Variants in UNC5D observed in about 807,000 individuals in gnomAD.
The protein encoded by UNC5D is unc-5 netrin receptor D, also known as netrin receptor UNC5D.
In UNC5D, 39 loss-of-function variants were observed where a neutral mutation model predicts 105.4. The ratio of observed to expected loss-of-function variants is 0.37; its 90% CI spans 0.29 to 0.48. UNC5D has a LOEUF of 0.48. Among genes scored for constraint, UNC5D ranks in the 20% least tolerant of loss-of-function variants. UNC5D has a pLI of 0.98. For missense variants in UNC5D, 991 were observed against 1,202.4 expected, an observed-to-expected ratio of 0.82 and a Z score of 2.60; for synonymous variants, 452 against 450.4, an observed-to-expected ratio of 1.00 and a Z score of -0.04.
intron 1 of UNC5D, among the ~76,000 whole-genome samples, chr8:35,533,135 G>A (rs1814534381): frequency 6.6e-6 from 1 of 151,976 alleles, no homozygotes; most frequent in South Asian, 2.1e-4. Flanking sequence ...GCATTTTAGA[G>A]TTTCCAGTTT....
chr8:35,535,783 TC>T (rs1249068987), intron 1 of UNC5D, among the ~76,000 whole-genome samples: 2 of 152,158 alleles, frequency 1.3e-5, no homozygotes, highest in African/African-American at 4.8e-5. Flanking sequence ...TCTCCATCCA[TC>T]CCTTAATTTT....
At chr8:35,784,301 TCTC>T (rs953389766) in intron 16 of UNC5D, among the ~76,000 whole-genome samples, 60 of 152,304 alleles carry the variant, frequency 3.9e-4, no homozygotes, top group African/African-American at 1.4e-3. Context: ...TCGGCTGTCT[TCTC>T]CTAAGCTTTA....
intron 4 of UNC5D, among the ~76,000 whole-genome samples, chr8:35,678,424 TAA>T (rs1256693170): frequency 6.6e-6 from 1 of 152,168 alleles, no homozygotes; most frequent in Non-Finnish European, 1.5e-5. Flanking sequence ...ACATGATAAA[TAA>T]AAGAGATTTT....
chr8:35,383,518 C>T (rs956511588), intron 1 of UNC5D, among the ~76,000 whole-genome samples: 4 of 152,102 alleles, frequency 2.6e-5, no homozygotes, highest in African/African-American at 4.8e-5. Context: ...CCAGGTAAAA[C>T]GATCTTTCAA....
chr8:35,428,127 C>T lies in UNC5D; in HGVS notation c.104-121165C>T, dbSNP rs76247386. ...AACCTTACTCAGGTAGCTTTTCCCA[C>T]ATTCATGGAAACAAATCTGACACCC... is the stretch of plus-strand genomic sequence containing the variant. On this transcript the variant is annotated intron_variant, in intron 1 of 16. Coordinates refer to ENST00000404895, the MANE Select transcript of UNC5D (RefSeq NM_080872.4). Among the ~76,000 whole-genome samples, 2,392 of 152,164 alleles carry T rather than the reference C, an allele frequency of 0.016. 118 individuals are homozygous for T. The East Asian group carries it at 0.17, about 11-fold the overall frequency.
At chr8:35,399,281 C>A (rs1008611984) in intron 1 of UNC5D, among the ~76,000 whole-genome samples, 10 of 151,884 alleles carry the variant, frequency 6.6e-5, no homozygotes, top group Non-Finnish European at 1.0e-4. Flanking sequence ...ATAGACTCTT[C>A]ATGCTATGCA....
At chr8:35,712,165 G>A (rs73584827) in intron 8 of UNC5D, among the ~76,000 whole-genome samples, 4,321 of 152,212 alleles carry the variant, frequency 0.028, 219 homozygotes, top group African/African-American at 0.098. Context: ...CAGCTACTCG[G>A]GAGGCTGAGG....
intron 1 of UNC5D, among the ~76,000 whole-genome samples, chr8:35,455,877 C>A (rs979732498): frequency 3.9e-5 from 6 of 152,046 alleles, no homozygotes; most frequent in Non-Finnish European, 7.4e-5. Flanking sequence ...CCCCAGGATT[C>A]AATTATGTCC....
At chr8:35,636,945 A>G (rs1822415543) in intron 4 of UNC5D, among the ~76,000 whole-genome samples, 1 of 152,172 alleles carries the variant, frequency 6.6e-6, no homozygotes, top group South Asian at 2.1e-4. Context: ...GTCTGCCTGA[A>G]GTCTGTTTCT....
chr8:35,726,266 C>G lies in UNC5D; in HGVS notation c.1418C>G (p.Ser473Ter). 1 of 1,614,118 alleles carries G rather than the reference C, an allele frequency of 6.2e-7. No homozygotes were observed. ...PLDKELMTESSLFNPLSDIKV... is the reference protein window; with the variant it reads ...PLDKELMTES ...GACAAGGAGCTCATGACAGAGTCCT[C>G]ACTCTTTAACCCTTTGTCGGACATC... Residue 473 changes from serine to a stop codon, truncating the protein, a stop_gained, in exon 10 of 17, where the codon TCA becomes TGA. Transcript: ENST00000404895. LOFTEE classifies it high-confidence loss of function.
intron 1 of UNC5D, among the ~76,000 whole-genome samples, chr8:35,441,933 G>A (rs1239973014): frequency 6.6e-6 from 1 of 151,796 alleles, no homozygotes; most frequent in Non-Finnish European, 1.5e-5. Context: ...ATAGAATTCT[G>A]ATTCCAGGAC....
At chr8:35,580,083 G>A (rs534579246) in intron 3 of UNC5D, among the ~76,000 whole-genome samples, 4 of 152,286 alleles carry the variant, frequency 2.6e-5, no homozygotes, top group Middle Eastern at 3.4e-3. Flanking sequence ...CAAGTTTTGG[G>A]CTCGCTAGGT....
intron 1 of UNC5D, among the ~76,000 whole-genome samples, chr8:35,495,595 G>T (rs1811528991): frequency 6.6e-6 from 1 of 151,756 alleles, no homozygotes; most frequent in African/African-American, 2.4e-5. Context: ...CAGCCTTAAA[G>T]CTAATTTCTG....
At chr8:35,496,190 G>A (rs184406172) in intron 1 of UNC5D, among the ~76,000 whole-genome samples, 134 of 152,294 alleles carry the variant, frequency 8.8e-4, no homozygotes, top group Non-Finnish European at 1.6e-4. Flanking sequence ...GAGCAGGTGA[G>A]GTTGGGGTAG....
intron 1 of UNC5D, among the ~76,000 whole-genome samples, chr8:35,346,003 G>A (rs1811783784): frequency 1.3e-5 from 2 of 152,124 alleles, no homozygotes; most frequent in East Asian, 3.9e-4. Flanking sequence ...GAAATCTCAA[G>A]TCATTTTTAA....
At chr8:35,381,028 G>A (rs2128932173) in intron 1 of UNC5D, among the ~76,000 whole-genome samples, 2 of 151,914 alleles carry the variant, frequency 1.3e-5, no homozygotes, top group South Asian at 4.2e-4. Flanking sequence ...AGGGAGGGAG[G>A]GAGGGAGAGA....
At chr8:35,540,985 G>A (rs1384455119) in intron 1 of UNC5D, among the ~76,000 whole-genome samples, 1 of 152,136 alleles carries the variant, frequency 6.6e-6, no homozygotes, top group Non-Finnish European at 1.5e-5. Context: ...CTATAATCTA[G>A]TGGTTACTCT....
chr8:35,307,561 G>A (rs1808518408), intron 1 of UNC5D, among the ~76,000 whole-genome samples: 1 of 152,280 alleles, frequency 6.6e-6, no homozygotes, highest in Non-Finnish European at 1.5e-5. Context: ...TCAAGAAAGA[G>A]TTAGCAGGGA....
intron 1 of UNC5D, among the ~76,000 whole-genome samples, chr8:35,478,104 A>G (rs1810242694): frequency 6.6e-6 from 1 of 152,168 alleles, no homozygotes. Flanking sequence ...CATTGTCATT[A>G]GATATTGACA....
Sources: gnomAD v4.1 joint callset for allele counts (sites outside exome capture counted in the v4.1 genomes callset) on GRCh38, gnomAD v4.1.1 for gene constraint, MANE v1.5 for transcripts, NCBI Gene and HGNC (gene_info 2026-07-23, HGNC 2026-07-21) for gene names.